Variants in TUSC3 observed in about 807,000 individuals in gnomAD.
The protein encoded by TUSC3 is tumor suppressor candidate 3.
In TUSC3, 45 loss-of-function variants were observed where a neutral mutation model predicts 44.8. The observed-to-expected ratio is 1.00, with a 90% CI of 0.79 to 1.29. The LOEUF (loss-of-function observed/expected upper bound fraction) is 1.29, where lower values mean the gene tolerates loss of function less well. Ranked by LOEUF, TUSC3 falls within the 50% of genes most tolerant of loss-of-function variation. The probability of loss-of-function intolerance (pLI) is 0.00; values close to 1 mark genes in which losing one functional copy is unlikely to be tolerated. For missense variants in TUSC3, 519 were observed against 437.9 expected (o/e 1.19, Z -1.65); for synonymous variants, 212 against 152.9 (o/e 1.39, Z -2.85).
chr8:15,480,752 C>T (rs1800647411), intron 1 of TUSC3, among the ~76,000 whole-genome samples: 1 of 152,182 alleles, frequency 6.6e-6, no homozygotes, highest in South Asian at 2.1e-4. Context: ...CTGGTCAGAT[C>T]AGATGAGAGC....
intron 7 of TUSC3, among the ~76,000 whole-genome samples, chr8:15,742,558 G>A (rs539112794): frequency 1.3e-5 from 2 of 152,298 alleles, no homozygotes; most frequent in African/African-American, 4.8e-5. Context: ...CCACTTGCTG[G>A]TATATTGCCC....
At chr8:15,647,920 C>T (rs1806703937) in intron 2 of TUSC3, among the ~76,000 whole-genome samples, 2 of 152,228 alleles carry the variant, frequency 1.3e-5, no homozygotes, top group South Asian at 4.1e-4. Context: ...TCTCTGAGAA[C>T]TTTTAGGATC....
intron 8 of TUSC3, among the ~76,000 whole-genome samples, chr8:15,747,655 A>ATAAAG (rs1230034752): frequency 6.6e-6 from 1 of 152,076 alleles, no homozygotes; most frequent in African/African-American, 2.4e-5. Context: ...AAATGAGAAA[A>ATAAAG]TAAAGTACTG....
rs79892097 is a variant in TUSC3 at position 15,666,059 on chromosome 8, C to G, written c.708+3763C>G. ...ATTGAAATACACTAGTACATAATTT[C>G]AAAAAGTGTAGCATAGATACGTAGT... On this transcript the variant is annotated intron_variant, in intron 5 of 10. Transcript: ENST00000503731. 6.4e-3 allele frequency among the ~76,000 whole-genome samples: 969 copies of G among 151,394 alleles called. 5 individuals carry two copies. Among genetic ancestry groups the G allele is most frequent in the Middle Eastern group, 0.014 (4 of 294 alleles).
rs574767010 is a variant in TUSC3 at position 15,491,722 on chromosome 8, C to T, written n.189+8239C>T. On this transcript the variant is annotated intron_variant and non_coding_transcript_variant, in intron 2 of 5. Transcript: ENST00000503191. ...CTAAGCACCATCTGGGAACCTTGTA[C>T]GATTTTTGTCTACTACCGGCCAACG... Among the ~76,000 whole-genome samples, 5 of 152,180 alleles carry T rather than the reference C, an allele frequency of 3.3e-5. No homozygotes were observed. In the South Asian group the frequency reaches 6.2e-4, roughly 19 times the overall value.
chr8:15,459,715 T>G (rs76631949), intron 1 of TUSC3, among the ~76,000 whole-genome samples: 1 of 152,118 alleles, frequency 6.6e-6, no homozygotes, highest in Non-Finnish European at 1.5e-5. Flanking sequence ...TGAGAAGATA[T>G]GATGTTTGAT....
intron 1 of TUSC3, among the ~76,000 whole-genome samples, chr8:15,602,310 G>A (rs1804322727): frequency 6.6e-6 from 1 of 151,606 alleles, no homozygotes; most frequent in Non-Finnish European, 1.5e-5. Flanking sequence ...GTGGATTCTA[G>A]CGCAGAATAC....
intron 1 of TUSC3, among the ~76,000 whole-genome samples, chr8:15,581,938 C>G (rs1803367464): frequency 1.3e-5 from 2 of 149,586 alleles, no homozygotes; most frequent in African/African-American, 5.1e-5. Context: ...TGATCTCAGA[C>G]TGCTGTGCTA....
At chr8:15,540,028 T>G (rs949782908), upstream of TUSC3, among the ~76,000 whole-genome samples, 3 of 152,216 alleles carry the variant, frequency 2.0e-5, no homozygotes, top group African/African-American at 4.8e-5. Flanking sequence ...CTTTCTGTGC[T>G]AGGCCCCAGG....
intron 1 of TUSC3, among the ~76,000 whole-genome samples, chr8:15,446,095 C>T (rs558557874): frequency 3.8e-3 from 564 of 146,838 alleles, no homozygotes; most frequent in Non-Finnish European, 5.7e-3. Flanking sequence ...GACGGGGTGG[C>T]GGTTGGGCAG....
intron 1 of TUSC3, among the ~76,000 whole-genome samples, chr8:15,541,021 A>G (rs139399483): frequency 2.3e-4 from 35 of 152,306 alleles, no homozygotes; most frequent in African/African-American, 8.2e-4. Context: ...GTTACACTGT[A>G]TGTTTATTTT....
chr8:15,848,752 G>T, the TUSC3 span, among the ~76,000 whole-genome samples: 2 of 152,112 alleles, frequency 1.3e-5, no homozygotes, highest in Non-Finnish European at 1.5e-5. Context: ...CTTGGAGTCA[G>T]GGCACCTTGG....
At chr8:15,426,632 T>A (rs1799807852) in intron 1 of TUSC3, among the ~76,000 whole-genome samples, 1 of 152,214 alleles carries the variant, frequency 6.6e-6, no homozygotes, top group South Asian at 2.1e-4. Context: ...TTCCCCATTC[T>A]TCTGTCAATG....
At chr8:15,846,601 A>T in the TUSC3 span, among the ~76,000 whole-genome samples, 5 of 152,144 alleles carry the variant, frequency 3.3e-5, no homozygotes, top group African/African-American at 9.7e-5. Context: ...GCAAACTAAC[A>T]TAAGAACAGA....
intron 2 of TUSC3, among the ~76,000 whole-genome samples, chr8:15,490,615 C>G (rs1327607868): frequency 1.3e-5 from 2 of 152,190 alleles, no homozygotes; most frequent in Non-Finnish European, 2.9e-5. Context: ...GCCAGGTGTG[C>G]TGGGTCTTCA....
At chr8:15,754,306 G>C (rs780706151) in intron 9 of TUSC3, among the ~76,000 whole-genome samples, 6 of 141,650 alleles carry the variant, frequency 4.2e-5, no homozygotes, top group East Asian at 2.1e-4. Flanking sequence ...ACCAAGAGCT[G>C]AACCACTCCA....
intron 6 of TUSC3, among the ~76,000 whole-genome samples, chr8:15,693,144 G>C (rs976887492): frequency 6.6e-6 from 1 of 152,132 alleles, no homozygotes; most frequent in Non-Finnish European, 1.5e-5. Context: ...GGGGCATTTA[G>C]CCTGTTTACA....
chr8:15,790,168 A>G, the TUSC3 span, among the ~76,000 whole-genome samples: 96,180 of 142,364 alleles, frequency 0.68, 33,585 homozygotes, highest in African/African-American at 0.85. Context: ...CTAACAGGTC[A>G]TTGTTAAGGC....
intron 2 of TUSC3, among the ~76,000 whole-genome samples, chr8:15,526,860 C>A (rs1801380063): frequency 1.3e-5 from 2 of 152,032 alleles, no homozygotes; most frequent in South Asian, 4.1e-4. Flanking sequence ...GAAAAACAGC[C>A]CCCTGCAAGG....
Sources: allele counts gnomAD v4.1 joint callset (sites outside exome capture counted in the v4.1 genomes callset), GRCh38; gene constraint gnomAD v4.1.1; transcripts MANE v1.5; gene names NCBI Gene and HGNC (gene_info 2026-07-23, HGNC 2026-07-21).